The following LRP1B variants were observed in gnomAD, a reference collection of about 807,000 sequenced individuals.
The protein encoded by LRP1B is LDL receptor related protein 1B.
In LRP1B, 217 loss-of-function variants were observed where a neutral mutation model predicts 556.6. That is an observed-to-expected ratio of 0.39 (90% confidence interval 0.35 to 0.44). The LOEUF is 0.44. Ranked by LOEUF, LRP1B falls within the 20% of genes least tolerant of loss-of-function variation. The pLI, the probability that LRP1B is intolerant of heterozygous loss-of-function variation, is 1.00. For synonymous variants in LRP1B, 2,047 were observed against 1,865.8 expected, an observed-to-expected ratio of 1.10 and a Z score of -2.50; for missense variants, 5,053 against 5,620.8, an observed-to-expected ratio of 0.90 and a Z score of 3.23.
At chr2:141,043,037 CAAAA>C (rs57176510) in intron 11 of LRP1B, among the ~76,000 whole-genome samples, 7 of 122,056 alleles carry the variant, frequency 5.7e-5, no homozygotes, top group East Asian at 4.9e-4. Context: ...ACAAAAAATA[CAAAA>C]AAAAAAAAAA....
rs113035265 is a variant in LRP1B, at chr2:142,111,719, T to C, written c.82+18929A>G. Among the ~76,000 whole-genome samples the C allele has an allele frequency of 5.8e-3, 883 of 152,190 alleles. 6 individuals carry two copies. The highest frequency in any genetic ancestry group is 0.02 in the African/African-American group (834 of 41,522). The stretch of plus-strand genomic sequence containing the variant: ...TGATATGAATAGCATTGCTGTTCTG[T>C]TTGTGGAATCCATGCCAGTCTTAAA... On this transcript the variant is annotated intron_variant, in intron 1 of 90. Coordinates refer to ENST00000389484, the MANE Select transcript of LRP1B (RefSeq NM_018557.3).
At chr2:140,672,456 C>T in intron 41 of LRP1B, among the ~76,000 whole-genome samples, 1 of 140,884 alleles carries the variant, frequency 7.1e-6, no homozygotes, top group Non-Finnish European at 1.5e-5. Flanking sequence ...TGCACTCCAG[C>T]CTGGGTGACA....
At chr2:141,482,728 T>A (rs915432843) in intron 2 of LRP1B, among the ~76,000 whole-genome samples, 2 of 152,072 alleles carry the variant, frequency 1.3e-5, no homozygotes, top group Non-Finnish European at 2.9e-5. Context: ...AGTAGCTTTT[T>A]AAAATTACTT....
intron 41 of LRP1B, among the ~76,000 whole-genome samples, chr2:140,615,001 A>G (rs989913547): frequency 1.3e-5 from 2 of 152,146 alleles, no homozygotes; most frequent in African/African-American, 2.4e-5. Context: ...AAATGAAGAT[A>G]ACAGCCCCTT....
intron 1 of LRP1B, among the ~76,000 whole-genome samples, chr2:142,128,485 T>G (rs1035981961): frequency 5.3e-5 from 8 of 152,214 alleles, no homozygotes; most frequent in African/African-American, 1.9e-4. Flanking sequence ...AGCATATTAG[T>G]GAGGGAAGCT....
intron 86 of LRP1B, among the ~76,000 whole-genome samples, chr2:140,253,842 A>C (rs754803549): frequency 5.3e-5 from 8 of 152,182 alleles, no homozygotes; most frequent in African/African-American, 1.9e-4. Flanking sequence ...AGGCCATTAC[A>C]TTAGACACAC....
At chr2:141,042,712 C>A (rs556040101) in intron 11 of LRP1B, among the ~76,000 whole-genome samples, 1 of 151,938 alleles carries the variant, frequency 6.6e-6, no homozygotes, top group Non-Finnish European at 1.5e-5. Flanking sequence ...ATGAACATAA[C>A]GTGAGCAATC....
chr2:141,361,920 C>T lies in LRP1B; in HGVS notation c.344-107279G>A, dbSNP rs532669517. ...CCAGAACCCTAGTACACTATCCTTT[C>T]ACTCATTCTTCCATCTCAACGCCCC... On this transcript the variant is annotated intron_variant, in intron 3 of 90. Coordinates refer to ENST00000389484, the MANE Select transcript of LRP1B (RefSeq NM_018557.3). Among the ~76,000 whole-genome samples the T allele has an allele frequency of 4.6e-5, 7 of 152,276 alleles. No individual in the cohort carries two copies. The South Asian group carries it at 1.5e-3, about 32-fold the overall frequency.
rs948650682 is a variant in LRP1B, at chr2:140,983,998, A to T, written c.2771-1722T>A. On this transcript the variant is annotated intron_variant, in intron 17 of 90. Transcript: ENST00000389484. Reference sequence around the variant, plus strand: ...GTAAATTATTCTGTCATCTATACGAAAATGAATAAAGTTCTTAGATAATTG... The same window carrying T: ...GTAAATTATTCTGTCATCTATACGATAATGAATAAAGTTCTTAGATAATTG... Among the ~76,000 whole-genome samples the T allele has an allele frequency of 2.6e-5, 4 of 151,962 alleles. No homozygotes were observed. In the South Asian group the frequency reaches 6.2e-4, roughly 24 times the overall value.
At chr2:140,908,669 G>A (rs1274350554) in intron 21 of LRP1B, among the ~76,000 whole-genome samples, 3 of 144,010 alleles carry the variant, frequency 2.1e-5, no homozygotes, top group East Asian at 3.9e-4. Flanking sequence ...ACATTTTGGC[G>A]ACTAACATGT....
chr2:141,251,083 T>C (rs1017592707), intron 4 of LRP1B, among the ~76,000 whole-genome samples: 1 of 152,188 alleles, frequency 6.6e-6, no homozygotes, highest in Non-Finnish European at 1.5e-5. Flanking sequence ...AGCTGAGTTT[T>C]ACTTCTGGGT....
intron 1 of LRP1B, among the ~76,000 whole-genome samples, chr2:142,046,548 C>G (rs1415218101): frequency 1.3e-5 from 2 of 151,906 alleles, no homozygotes; most frequent in East Asian, 3.9e-4. Context: ...GAGGAATAAA[C>G]AGCAGTAGTA....
chr2:142,105,902 C>A (rs193200779), intron 1 of LRP1B, among the ~76,000 whole-genome samples: 67 of 152,162 alleles, frequency 4.4e-4, no homozygotes, highest in Non-Finnish European at 5.9e-4. Flanking sequence ...TATCATTTAA[C>A]CCTGTTTTCT....
chr2:140,994,987 T>C (rs114545250), intron 15 of LRP1B, among the ~76,000 whole-genome samples: 1 of 151,980 alleles, frequency 6.6e-6, no homozygotes, highest in Non-Finnish European at 1.5e-5. Context: ...TCTTGCTGTA[T>C]ACAACTAAAA....
At chr2:140,967,684 A>G (rs938557700) in intron 18 of LRP1B, among the ~76,000 whole-genome samples, 4 of 151,472 alleles carry the variant, frequency 2.6e-5, no homozygotes, top group Admixed American at 6.6e-5. Flanking sequence ...GTTTGTCATA[A>G]ATAGCTCTTA....
chr2:141,880,448 T>C (rs1698918678), intron 1 of LRP1B, among the ~76,000 whole-genome samples: 1 of 152,010 alleles, frequency 6.6e-6, no homozygotes. Context: ...TATAAATGAT[T>C]ATGTCACATA....
intron 1 of LRP1B, among the ~76,000 whole-genome samples, chr2:142,125,729 G>A (rs1466886978): frequency 6.6e-6 from 1 of 151,620 alleles, no homozygotes; most frequent in Non-Finnish European, 1.5e-5. Context: ...GTTAAATTTG[G>A]GAATAGCTAT....
At chr2:141,569,681 C>T (rs1686459118) in intron 2 of LRP1B, among the ~76,000 whole-genome samples, 1 of 151,156 alleles carries the variant, frequency 6.6e-6, no homozygotes, top group East Asian at 1.9e-4. Context: ...TGGATTGATT[C>T]ATAATCCAAA....
At chr2:141,919,363 T>C (rs369735752) in intron 1 of LRP1B, among the ~76,000 whole-genome samples, 29 of 152,182 alleles carry the variant, frequency 1.9e-4, no homozygotes, top group African/African-American at 6.3e-4. Context: ...CTGATACCAC[T>C]ATTTCATATG....
Sources: allele counts gnomAD v4.1 joint callset (sites outside exome capture counted in the v4.1 genomes callset), GRCh38; gene constraint gnomAD v4.1.1; transcripts MANE v1.5; gene names NCBI Gene and HGNC (gene_info 2026-07-23, HGNC 2026-07-21).